Variants in ATP2C1 observed in about 807,000 individuals in gnomAD.
The protein encoded by ATP2C1 is calcium-transporting ATPase type 2C member 1.
Under a neutral mutation model 120.5 loss-of-function variants are expected in ATP2C1, and 31 were observed. That is an observed-to-expected ratio of 0.26 (90% CI 0.19 to 0.35). ATP2C1 has a LOEUF of 0.35. Ranked by LOEUF, ATP2C1 falls within the 10% of genes least tolerant of loss-of-function variation. The probability of loss-of-function intolerance (pLI) is 1.00; values close to 1 mark genes in which losing one functional copy is unlikely to be tolerated. For missense variants in ATP2C1, 731 were observed against 1,107.5 expected (o/e 0.66, Z 4.83); for synonymous variants, 351 against 358.7 (o/e 0.98, Z 0.24).
At chr3:130,931,229 A>G (rs1273418158) in intron 3 of ATP2C1, among the ~76,000 whole-genome samples, 1 of 152,062 alleles carries the variant, frequency 6.6e-6, no homozygotes, top group Non-Finnish European at 1.5e-5. Flanking sequence ...GGACTCTATT[A>G]TAATAACCTT....
At chr3:130,913,214 T>C (rs1287691057) in intron 2 of ATP2C1, among the ~76,000 whole-genome samples, 1 of 150,608 alleles carries the variant, frequency 6.6e-6, no homozygotes, top group African/African-American at 2.5e-5. Context: ...ACCTGCACAA[T>C]GTGCACATGT....
downstream of ATP2C1, among the ~76,000 whole-genome samples, chr3:131,006,635 TTGTGTGTG>T (rs3073260): frequency 0.31 from 45,049 of 147,102 alleles, 8,203 homozygotes; most frequent in Middle Eastern, 0.48. Context: ...TAGTGTGTGT[TTGTGTGTG>T]TGTGTGTGTG....
intron 1 of ATP2C1, among the ~76,000 whole-genome samples, chr3:130,887,478 C>A (rs765688908): frequency 1.3e-5 from 2 of 152,130 alleles, no homozygotes; most frequent in Non-Finnish European, 2.9e-5. Flanking sequence ...GGACTGCAGT[C>A]AAAAATCCTT....
chr3:130,894,145 TCTCTC>T lies in ATP2C1; in HGVS notation c.-371_-367del, dbSNP rs1333033425. ...CGTGACGGGTCCCCTCACCTCCTCT[TCTCTC>T]CCCTCCCCGCCCGCCCTCTCTCCCT... On this transcript the variant is annotated 5_prime_UTR_variant, in exon 1 of 28. Coordinates refer to ENST00000510168, the MANE Select transcript of ATP2C1 (RefSeq NM_001378687.1). The surrounding 1 kb of genome is among the most constrained non-coding windows in gnomAD (Gnocchi z 4.5). The T allele has an allele frequency of 1.2e-6, 1 of 861,908 alleles. No individual in the cohort carries two copies. The highest frequency in any genetic ancestry group is 1.8e-5 in the African/African-American group (1 of 54,580). 53.4% of individuals were successfully genotyped at this position (861,908 alleles called of 1,614,324 possible).
At chr3:130,978,298 A>G (rs1213244521) in intron 18 of ATP2C1, among the ~76,000 whole-genome samples, 3 of 152,046 alleles carry the variant, frequency 2.0e-5, no homozygotes, top group Non-Finnish European at 4.4e-5. Context: ...AGCATATGTA[A>G]TCTTTCATAC....
chr3:130,933,491 A>G (rs945175911), intron 4 of ATP2C1, among the ~76,000 whole-genome samples: 2 of 152,304 alleles, frequency 1.3e-5, no homozygotes, highest in East Asian at 3.9e-4. Context: ...TACCAGATGA[A>G]GAATCTGGAG....
chr3:131,005,947 C>T (rs779154622), downstream of ATP2C1, among the ~76,000 whole-genome samples: 9 of 151,114 alleles, frequency 6.0e-5, no homozygotes, highest in East Asian at 1.9e-4. Context: ...GAGGTGAGAG[C>T]GTGTGTGTGT....
At chr3:130,851,036 G>C in intron 1 of ATP2C1, 1 of 526,730 alleles carries the variant, frequency 1.9e-6, no homozygotes, top group Non-Finnish European at 2.9e-6. Context: ...TATAGGTACA[G>C]GTCAGATCCT....
intron 2 of ATP2C1, among the ~76,000 whole-genome samples, chr3:130,912,803 T>C (rs1428210267): frequency 2.6e-5 from 4 of 151,806 alleles, no homozygotes; most frequent in Non-Finnish European, 5.9e-5. Flanking sequence ...CACATGCACA[T>C]GTATGTTTAT....
intron 8 of ATP2C1, 68 bp downstream of exon 8, chr3:130,941,767 G>C: frequency 7.9e-7 from 1 of 1,264,234 alleles, no homozygotes; most frequent in Non-Finnish European, 1.2e-6. Context: ...AACATTACTA[G>C]TTTTAAGGAA....
At chr3:130,866,338 G>T (rs146206118) in intron 1 of ATP2C1, among the ~76,000 whole-genome samples, 1 of 152,132 alleles carries the variant, frequency 6.6e-6, no homozygotes, top group Non-Finnish European at 1.5e-5. Flanking sequence ...GAAATTTTTA[G>T]AGCCTCTGAA....
rs145462174 is a variant in ATP2C1, at chr3:130,994,494, G to A, written c.2057+396G>A. ...ACATCCATACCTGTTTTTTATATCA[G>A]TAATTTATTCATCTTGCCCTCATTT... On this transcript the variant is annotated intron_variant, in intron 22 of 27. Coordinates refer to ENST00000510168, the MANE Select transcript of ATP2C1 (RefSeq NM_001378687.1). Among the ~76,000 whole-genome samples the A allele has an allele frequency of 3.0e-3, 461 of 152,086 alleles. 4 individuals are homozygous for A. Among genetic ancestry groups the A allele is most frequent in the African/African-American group, 0.01 (435 of 41,460 alleles).
chr3:130,894,276 C>A lies in ATP2C1; in HGVS notation c.-242C>A. Reference sequence around the variant, plus strand: ...TCCTCTTCTCCCGAGGCGCGCGGGGCGCCCCCGCGAGCCCCGCGGCTGAGA... The same window carrying A: ...TCCTCTTCTCCCGAGGCGCGCGGGGAGCCCCCGCGAGCCCCGCGGCTGAGA... On this transcript the variant is annotated 5_prime_UTR_variant, in exon 1 of 28. Transcript: ENST00000510168. This position sits in a 1 kb window ranked among gnomAD's most constrained non-coding sequence, Gnocchi z 4.5. 1.0e-6 allele frequency: 1 copy of A among 985,918 alleles called. No individual in the cohort carries two copies. Among genetic ancestry groups the A allele is most frequent in the African/African-American group, 1.7e-5 (1 of 57,244 alleles). 61.1% of individuals were successfully genotyped at this position (985,918 alleles called of 1,614,324 possible).
intron 2 of ATP2C1, among the ~76,000 whole-genome samples, chr3:130,904,295 G>A (rs2058025057): frequency 6.6e-6 from 1 of 151,834 alleles, no homozygotes. Context: ...ATCCTACCTT[G>A]CATTTAGTTA....
chr3:130,983,935 A>C (rs1374207672), intron 20 of ATP2C1, among the ~76,000 whole-genome samples: 1 of 152,192 alleles, frequency 6.6e-6, no homozygotes, highest in Middle Eastern at 3.2e-3. Context: ...AGTTGCTTCC[A>C]GGTTTGGCAA....
rs138446090 is a variant in ATP2C1 at position 130,880,406 on chromosome 3, C to T, written c.108+29478C>T. Among the ~76,000 whole-genome samples the T allele has an allele frequency of 2.3e-3, 344 of 152,188 alleles. 1 individual carries two copies. The highest frequency in any genetic ancestry group is 8.0e-3 in the African/African-American group (331 of 41,486). ...CCTCCAAATCCTCATTTTTCCAATT[C>T]GCCTAAATATTGGACATTTAGAACT... On this transcript the variant is annotated intron_variant, in intron 1 of 26. Transcript: ENST00000504381.
Position 131,016,144 on chromosome 3 carries a change from C to T in ATP2C1, c.2630-8C>T, listed in dbSNP as rs146481344. The T allele has an allele frequency of 1.3e-4, 209 of 1,613,196 alleles. No homozygotes were observed. The highest frequency in any genetic ancestry group is 2.0e-4 in the African/African-American group (15 of 74,676). On this transcript the variant is annotated splice_polypyrimidine_tract_variant and splice_region_variant and intron_variant, in intron 26 of 26. Transcript: ENST00000328560. ...AACTAAAGTTTCCCATGGTGCTTAC[C>T]GAGTTAGGTCTGGCTCTGGGAGAGG...
upstream of ATP2C1, among the ~76,000 whole-genome samples, chr3:130,891,496 G>A (rs2069166915): frequency 6.6e-6 from 1 of 152,106 alleles, no homozygotes; most frequent in African/African-American, 2.4e-5. Context: ...TGCATCAGAT[G>A]CATTTAATTT....
chr3:131,015,979 C>T, intron 26 of ATP2C1: 1 of 849,056 alleles, frequency 1.2e-6, no homozygotes, highest in Non-Finnish European at 1.9e-6. Flanking sequence ...TTCCCGTTTC[C>T]AGCTCTTCAG....
Sources: allele counts gnomAD v4.1 joint callset (sites outside exome capture counted in the v4.1 genomes callset), GRCh38; gene constraint gnomAD v4.1.1; non-coding constraint Gnocchi (gnomAD v3.1); transcripts MANE v1.5; gene names NCBI Gene and HGNC (gene_info 2026-07-23, HGNC 2026-07-21).